The following SBF2 variants were observed in gnomAD, a reference collection of about 807,000 sequenced individuals.
SBF2 encodes the protein SET binding factor 2.
In SBF2, 112 loss-of-function variants were observed where a neutral mutation model predicts 225.2. That is an observed-to-expected ratio of 0.50 (90% confidence interval 0.43 to 0.58). The LOEUF (loss-of-function observed/expected upper bound fraction) is 0.58. Among genes scored for constraint, SBF2 ranks in the 20% least tolerant of loss-of-function variants. SBF2 has a pLI of 0.00. For missense variants in SBF2, 1,996 were observed against 2,206.2 expected (o/e 0.90, Z 1.91); for synonymous variants, 763 against 773.3 (o/e 0.99, Z 0.22).
At position 10,193,546 on chromosome 11, in the gene SBF2, C is replaced by A. The variant is rs757121205; in HGVS notation, c.141+356G>T. Among the ~76,000 whole-genome samples the A allele has an allele frequency of 4.0e-5, 6 of 151,804 alleles. No homozygotes were observed. In the East Asian group the frequency reaches 1.2e-3, roughly 29 times the overall value. On this transcript the variant is annotated intron_variant, in intron 2 of 39. Transcript: ENST00000256190. Reference sequence around the variant, plus strand: ...ATTTTTGTATTTTTAGTAGAGACAGCGTTTCACCGTGTTACCAGGATGGTA... The same window carrying A: ...ATTTTTGTATTTTTAGTAGAGACAGAGTTTCACCGTGTTACCAGGATGGTA...
chr11:9,783,330 G>A (rs1852158982), intron 38 of SBF2, among the ~76,000 whole-genome samples: 1 of 152,196 alleles, frequency 6.6e-6, no homozygotes, highest in South Asian at 2.1e-4. Context: ...TTGAGCAGAG[G>A]AAAAGCTGGA....
chr11:9,996,174 G>A, intron 9 of SBF2, among the ~76,000 whole-genome samples: 1 of 152,110 alleles, frequency 6.6e-6, no homozygotes, highest in Non-Finnish European at 1.5e-5. Context: ...CTTAATCTTT[G>A]TTAATTTTGC....
intron 6 of SBF2, among the ~76,000 whole-genome samples, chr11:10,016,183 A>G (rs140084515): frequency 2.3e-4 from 35 of 152,182 alleles, no homozygotes; most frequent in African/African-American, 8.2e-4. Flanking sequence ...ATCATTTAGT[A>G]TCAGATAAAT....
intron 6 of SBF2, among the ~76,000 whole-genome samples, chr11:10,007,474 G>T (rs1421413530): frequency 6.6e-6 from 1 of 152,178 alleles, no homozygotes; most frequent in East Asian, 1.9e-4. Flanking sequence ...ATTTTAATAT[G>T]ATCTATCAAC....
At chr11:10,006,986 C>A (rs59409674) in intron 6 of SBF2, among the ~76,000 whole-genome samples, 4,826 of 152,256 alleles carry the variant, frequency 0.032, 195 homozygotes, top group African/African-American at 0.097. Context: ...GCCGTCGGCA[C>A]AAGAGACCCA....
chr11:10,188,613 C>A (rs1363672981), intron 2 of SBF2, among the ~76,000 whole-genome samples: 2 of 152,158 alleles, frequency 1.3e-5, no homozygotes, highest in Non-Finnish European at 2.9e-5. Context: ...AGTTCTAGTA[C>A]AGGATAAACA....
chr11:9,798,673 G>A (rs1041637573), intron 32 of SBF2, among the ~76,000 whole-genome samples: 31 of 152,154 alleles, frequency 2.0e-4, no homozygotes, highest in African/African-American at 4.6e-4. Context: ...AGGGCCAGGC[G>A]TGGTGGCTCA....
intron 17 of SBF2, among the ~76,000 whole-genome samples, chr11:9,884,848 A>G (rs1041116617): frequency 3.9e-5 from 6 of 152,208 alleles, no homozygotes; most frequent in African/African-American, 1.4e-4. Flanking sequence ...ACCTAACAAA[A>G]TAACTTAAAT....
Position 10,276,557 on chromosome 11 carries a change from C to A in SBF2, c.55+17458G>T, listed in dbSNP as rs1001733954. 2.0e-5 allele frequency among the ~76,000 whole-genome samples: 3 copies of A among 152,194 alleles called. No individual in the cohort carries two copies. The East Asian group carries it at 5.8e-4, about 29-fold the overall frequency. ...ACTCATCTCCACCTCCCAGTCCCCA[C>A]AATGTATTTATAGACAAAAGTTTTG... On this transcript the variant is annotated intron_variant, in intron 1 of 39. Coordinates refer to ENST00000256190, the MANE Select transcript of SBF2 (RefSeq NM_030962.4).
chr11:10,254,641 C>T (rs1022760158), intron 1 of SBF2, among the ~76,000 whole-genome samples: 3 of 151,020 alleles, frequency 2.0e-5, no homozygotes, highest in Admixed American at 6.6e-5. Flanking sequence ...CACCGAGGCT[C>T]ACGCCTGTAA....
At chr11:9,938,564 G>C (rs866748100) in intron 16 of SBF2, among the ~76,000 whole-genome samples, 3 of 151,666 alleles carry the variant, frequency 2.0e-5, no homozygotes, top group Admixed American at 6.6e-5. Context: ...AATATCCATG[G>C]ATTAGAATAA....
chr11:10,259,695 C>T lies in SBF2; in HGVS notation c.55+34320G>A, dbSNP rs548974057. Among the ~76,000 whole-genome samples, 153 of 152,160 alleles carry T rather than the reference C, an allele frequency of 1.0e-3. 1 individual carries two copies. Among genetic ancestry groups the T allele is most frequent in the African/African-American group, 3.6e-3 (149 of 41,532 alleles). ...CAGGATAAAAATGTTACATCAACAC[C>T]AGATATACCTTATCTAAAGCATCAA... On this transcript the variant is annotated intron_variant, in intron 1 of 39. Coordinates refer to ENST00000256190, the MANE Select transcript of SBF2 (RefSeq NM_030962.4).
At chr11:10,039,986 G>A (rs1949590218) in intron 3 of SBF2, among the ~76,000 whole-genome samples, 1 of 151,758 alleles carries the variant, frequency 6.6e-6, no homozygotes, top group African/African-American at 2.4e-5. Context: ...GGAAGAGAGA[G>A]TTCCTGCTTA....
At chr11:9,977,252 G>C (rs183970328) in intron 13 of SBF2, among the ~76,000 whole-genome samples, 1 of 152,100 alleles carries the variant, frequency 6.6e-6, no homozygotes, top group Admixed American at 6.5e-5. Context: ...AGGAGGCTGA[G>C]GTAGGAGGAC....
chr11:9,961,726 A>T lies in SBF2; in HGVS notation c.1860+231T>A, dbSNP rs546449098. ...TCAAAGAACTTGCTTATATTACAGA[A>T]CTAGTAAAATAATCTAGCATTTTCA... On this transcript the variant is annotated intron_variant, in intron 16 of 39. Transcript: ENST00000256190. 188 of 451,822 alleles carry T rather than the reference A, an allele frequency of 4.2e-4. 3 individuals carry two copies. In the South Asian group the frequency reaches 5.1e-3, roughly 12 times the overall value. The allele number at this position is 451,822 out of a possible 1,614,324, so 28.0% of individuals were successfully genotyped here.
chr11:9,791,719 A>C (rs1470858890), intron 33 of SBF2, among the ~76,000 whole-genome samples: 1 of 152,236 alleles, frequency 6.6e-6, no homozygotes, highest in African/African-American at 2.4e-5. Context: ...GGTTGCAGTA[A>C]GATTTTGAAA....
intron 17 of SBF2, among the ~76,000 whole-genome samples, chr11:9,889,749 T>C (rs774629110): frequency 2.0e-5 from 3 of 152,100 alleles, no homozygotes; most frequent in African/African-American, 7.2e-5. Flanking sequence ...AAAGAACATA[T>C]ATTGTATGAT....
intron 22 of SBF2, among the ~76,000 whole-genome samples, 170 bp from the exon 23 acceptor site, chr11:9,847,253 G>C (rs1373047250): frequency 6.6e-6 from 1 of 152,174 alleles, no homozygotes; most frequent in Non-Finnish European, 1.5e-5. Context: ...TATGTCTCAG[G>C]AGTGGCAAGT....
At chr11:9,786,187 T>C (rs943885438) in intron 36 of SBF2, among the ~76,000 whole-genome samples, 1 of 152,144 alleles carries the variant, frequency 6.6e-6, no homozygotes, top group Non-Finnish European at 1.5e-5. Context: ...CAGTGACAGT[T>C]GGAAGGACAC....
Sources: allele counts gnomAD v4.1 joint callset (sites outside exome capture counted in the v4.1 genomes callset), GRCh38; gene constraint gnomAD v4.1.1; transcripts MANE v1.5; gene names NCBI Gene and HGNC (gene_info 2026-07-23, HGNC 2026-07-21).